UGGT2: variants seen among roughly 807,000 people sequenced by gnomAD.
The protein encoded by UGGT2 is UDP-glucose:glycoprotein glucosyltransferase 2.
Under a neutral mutation model 192.1 loss-of-function variants are expected in UGGT2, and 180 were observed. The ratio of observed to expected loss-of-function variants is 0.94; its 90% confidence interval spans 0.83 to 1.06. UGGT2 has a LOEUF of 1.06. Ranked by LOEUF, UGGT2 falls within the 50% of genes least tolerant of loss-of-function variation. The pLI, the probability that UGGT2 is intolerant of heterozygous loss-of-function variation, is 0.00. For missense variants in UGGT2, 1,849 were observed against 1,795.7 expected (o/e 1.03, Z -0.54); for synonymous variants, 580 against 591.0 (o/e 0.98, Z 0.27).
Position 96,023,648 on chromosome 13 carries a change from G to C in UGGT2, c.353C>G (p.Ala118Gly), listed in dbSNP as rs574889711. 351 of 1,609,902 alleles carry C rather than the reference G, an allele frequency of 2.2e-4. 7 individuals are homozygous for C. The South Asian group carries it at 3.6e-3, about 16-fold the overall frequency. The change falls in exon 3 of 39, where the codon GCT (alanine) becomes GGT (glycine). Residue 118 changes from alanine (A) to glycine (G), a missense_variant. Transcript: ENST00000376747. Reference sequence around the variant, plus strand: ...ACGCACCTGCTGAAACATCTGAATAGCTGGGGAGTATGCCCTTATAGAGAA... The same window carrying C: ...ACGCACCTGCTGAAACATCTGAATACCTGGGGAGTATGCCCTTATAGAGAA... ...FAFSIRAYSP[A>G]IQMFQQIAAD...
At chr13:95,874,359 T>G (rs1272648322) in intron 29 of UGGT2, among the ~76,000 whole-genome samples, 1 of 152,172 alleles carries the variant, frequency 6.6e-6, no homozygotes, top group Non-Finnish European at 1.5e-5. Context: ...CACAATACTC[T>G]TGCCTTTTGT....
At chr13:95,826,347 T>C (rs1886040220) in intron 38 of UGGT2, among the ~76,000 whole-genome samples, 1 of 152,094 alleles carries the variant, frequency 6.6e-6, no homozygotes, top group African/African-American at 2.4e-5. Context: ...ATTAGATGTA[T>C]AAGTCAAAGC....
chr13:95,802,012 G>A (rs182019653), intron 38 of UGGT2, among the ~76,000 whole-genome samples, 200 bp from the exon 39 acceptor site: 2 of 152,186 alleles, frequency 1.3e-5, no homozygotes, highest in East Asian at 1.9e-4. Flanking sequence ...CATAACTACT[G>A]GTCTTTCTAC....
chr13:95,919,259 C>A (rs1055498937), intron 20 of UGGT2, among the ~76,000 whole-genome samples: 6 of 152,144 alleles, frequency 3.9e-5, no homozygotes, highest in Non-Finnish European at 8.8e-5. Context: ...CAGCCAATAT[C>A]ATACTGAATG....
At chr13:95,836,318 G>C (rs1293314819) in intron 37 of UGGT2, among the ~76,000 whole-genome samples, 1 of 152,182 alleles carries the variant, frequency 6.6e-6, no homozygotes, top group East Asian at 1.9e-4. Flanking sequence ...TTAAAGTGCA[G>C]GGATTACAGG....
intron 38 of UGGT2, among the ~76,000 whole-genome samples, chr13:95,827,745 A>G (rs1886194316): frequency 6.6e-6 from 1 of 152,152 alleles, no homozygotes. Flanking sequence ...CAGCACTTTG[A>G]CCCACTTCCT....
intron 7 of UGGT2, chr13:95,995,471 G>C (rs912953421): frequency 7.9e-5 from 12 of 152,082 alleles, no homozygotes; most frequent in African/African-American, 2.9e-4. Context: ...ACATTCTGGG[G>C]TGAGTGTCCA....
At chr13:95,940,455 CTTTTTTTTTT>C (rs1231173934) in intron 15 of UGGT2, among the ~76,000 whole-genome samples, 1 of 125,362 alleles carries the variant, frequency 8.0e-6, no homozygotes, top group East Asian at 2.3e-4. Flanking sequence ...TTTTCTTTTT[CTTTTTTTTTT>C]TTTTTTTTGA....
intron 38 of UGGT2, among the ~76,000 whole-genome samples, chr13:95,805,515 A>C (rs1884259982): frequency 6.6e-6 from 1 of 152,206 alleles, no homozygotes; most frequent in South Asian, 2.1e-4. Context: ...CCAAAAGGTG[A>C]AAGCAAACCA....
At chr13:95,995,371 A>T (rs984393256) in intron 7 of UGGT2, 6 of 152,094 alleles carry the variant, frequency 3.9e-5, no homozygotes, top group Non-Finnish European at 8.8e-5. Context: ...TTTTAAAAAA[A>T]GAAACAACAT....
chr13:95,877,510 CA>C, intron 28 of UGGT2, 146 bp from the exon 29 acceptor site: 1 of 969,528 alleles, frequency 1.0e-6, no homozygotes. Context: ...AGAGATTTTA[CA>C]ATAACCTGTC....
intron 5 of UGGT2, among the ~76,000 whole-genome samples, chr13:96,007,293 A>G (rs370167225): frequency 1.3e-5 from 2 of 152,186 alleles, no homozygotes; most frequent in East Asian, 1.9e-4. Flanking sequence ...TATAGAGGGA[A>G]CATACCTCAA....
At chr13:95,972,793 A>C (rs766136165) in intron 10 of UGGT2, 122 bp from the exon 11 acceptor site, 8 of 672,392 alleles carry the variant, frequency 1.2e-5, no homozygotes, top group Non-Finnish European at 2.0e-5. Context: ...CAGGCCATAC[A>C]GTCTCTGTTG....
At position 95,939,340 on chromosome 13, in the gene UGGT2, A is replaced by G. The variant is rs181088105; in HGVS notation, c.1812+617T>C. ...CTTCAGAAAAGTATTCCTTATCCCC[A>G]TACCCCAGAGCATTCCTCTTTCATT... On this transcript the variant is annotated intron_variant, in intron 16 of 38. Coordinates refer to ENST00000376747, the MANE Select transcript of UGGT2 (RefSeq NM_020121.4). Among the ~76,000 whole-genome samples, 50 of 152,198 alleles carry G rather than the reference A, an allele frequency of 3.3e-4. No individual in the cohort carries two copies. The East Asian group carries it at 6.4e-3, about 19-fold the overall frequency.
At chr13:95,969,394 G>A (rs1469947937) in intron 12 of UGGT2, among the ~76,000 whole-genome samples, 1 of 152,078 alleles carries the variant, frequency 6.6e-6, no homozygotes, top group African/African-American at 2.4e-5. Flanking sequence ...GCAAATCACT[G>A]GATTAGAGGT....
At position 95,865,651 on chromosome 13, in the gene UGGT2, G is replaced by A. The variant is rs78275432; in HGVS notation, c.3558+1688C>T. Among the ~76,000 whole-genome samples the A allele has an allele frequency of 4.6e-3, 693 of 152,230 alleles. 1 individual carries two copies. The highest frequency in any genetic ancestry group is 7.4e-3 in the Non-Finnish European group (506 of 68,010). On this transcript the variant is annotated intron_variant, in intron 30 of 38. Coordinates refer to ENST00000376747, the MANE Select transcript of UGGT2 (RefSeq NM_020121.4). ...TGAACTCCAGAGTGAGCAACAGAGC[G>A]AGACTACATCTCAAAACAAAAACAA...
intron 5 of UGGT2, among the ~76,000 whole-genome samples, chr13:96,010,028 G>A (rs1433137847): frequency 6.6e-6 from 1 of 152,122 alleles, no homozygotes; most frequent in Non-Finnish European, 1.5e-5. Flanking sequence ...AATAGTGAAT[G>A]CACATACACT....
chr13:95,852,613 A>G (rs1173658586), intron 36 of UGGT2, among the ~76,000 whole-genome samples: 1 of 152,234 alleles, frequency 6.6e-6, no homozygotes, highest in East Asian at 1.9e-4. Flanking sequence ...CATAGCAGGT[A>G]TTCAACAGAT....
chr13:95,818,277 A>G (rs1431227096), intron 38 of UGGT2, among the ~76,000 whole-genome samples: 3 of 152,216 alleles, frequency 2.0e-5, no homozygotes, highest in African/African-American at 7.2e-5. Context: ...TATGCACTAC[A>G]TGCAAGCCTG....
Sources: allele counts gnomAD v4.1 joint callset (sites outside exome capture counted in the v4.1 genomes callset), GRCh38; gene constraint gnomAD v4.1.1; transcripts MANE v1.5; gene names NCBI Gene and HGNC (gene_info 2026-07-23, HGNC 2026-07-21).